MACROD2: variants seen among roughly 807,000 people sequenced by gnomAD.
The protein encoded by MACROD2 is ADP-ribose glycohydrolase MACROD2.
In MACROD2, 36 loss-of-function variants were observed where a neutral mutation model predicts 70.4. The observed-to-expected ratio is 0.51, with a 90% confidence interval of 0.39 to 0.68. The LOEUF is 0.68. MACROD2 is among the 30% of genes least tolerant of loss of function. MACROD2 has a pLI of 0.00. For synonymous variants in MACROD2, 172 were observed against 178.8 expected (o/e 0.96, Z 0.30); for missense variants, 496 against 538.4 (o/e 0.92, Z 0.78).
At chr20:15,798,993 T>A (rs1297249765) in intron 8 of MACROD2, among the ~76,000 whole-genome samples, 1 of 152,070 alleles carries the variant, frequency 6.6e-6, no homozygotes, top group Non-Finnish European at 1.5e-5. Context: ...GTATCATCCA[T>A]CATCCAACAT....
At chr20:15,777,507 TTCTTTCCTTCCTTCCTTCC>T (rs2051744412) in intron 8 of MACROD2, among the ~76,000 whole-genome samples, 6 of 71,588 alleles carry the variant, frequency 8.4e-5, no homozygotes, top group Admixed American at 1.5e-4. Flanking sequence ...CCTTCCTTCC[TTCTTTCCTTCCTTCCTTCC>T]TTCCTTCCTT....
At chr20:15,011,203 C>G (rs774964613) in intron 5 of MACROD2, among the ~76,000 whole-genome samples, 3 of 152,142 alleles carry the variant, frequency 2.0e-5, no homozygotes, top group Non-Finnish European at 4.4e-5. Context: ...ACTTTCTGAT[C>G]TGAGACAGTT....
chr20:15,674,682 G>A (rs1416901126), intron 8 of MACROD2, among the ~76,000 whole-genome samples: 2 of 151,872 alleles, frequency 1.3e-5, no homozygotes, highest in African/African-American at 4.8e-5. Flanking sequence ...TCGCATGGTA[G>A]GCATTTTACA....
intron 5 of MACROD2, among the ~76,000 whole-genome samples, chr20:15,167,141 C>T (rs1220640514): frequency 2.0e-5 from 3 of 151,718 alleles, no homozygotes; most frequent in Non-Finnish European, 2.9e-5. Flanking sequence ...GGTTAAAACA[C>T]AAAAAATACA....
chr20:15,960,811 G>T lies in MACROD2; in HGVS notation c.908-6742G>T, dbSNP rs148906041. On this transcript the variant is annotated intron_variant, in intron 12 of 17. Transcript: ENST00000684519. Reference sequence around the variant, plus strand: ...AGTGCCCTCTGTACTGGCACCATCGGCTCCAACCTCAGGGATAGTCCACAG... The same window carrying T: ...AGTGCCCTCTGTACTGGCACCATCGTCTCCAACCTCAGGGATAGTCCACAG... 2.3e-3 allele frequency among the ~76,000 whole-genome samples: 345 copies of T among 152,208 alleles called. 1 individual carries two copies. Among genetic ancestry groups the T allele is most frequent in the African/African-American group, 7.9e-3 (330 of 41,548 alleles).
chr20:15,227,085 A>T (rs2076913245), intron 5 of MACROD2, among the ~76,000 whole-genome samples: 1 of 152,218 alleles, frequency 6.6e-6, no homozygotes, highest in South Asian at 2.1e-4. Flanking sequence ...CGATAATAAC[A>T]TTCGATCTTG....
intron 3 of MACROD2, among the ~76,000 whole-genome samples, chr20:14,411,668 C>G (rs1485829972): frequency 6.6e-6 from 1 of 152,108 alleles, no homozygotes; most frequent in Admixed American, 6.6e-5. Flanking sequence ...ATACTGGTGG[C>G]TGCTGCTCAT....
At chr20:14,187,778 G>C (rs2081356826) in intron 3 of MACROD2, among the ~76,000 whole-genome samples, 1 of 152,134 alleles carries the variant, frequency 6.6e-6, no homozygotes, top group African/African-American at 2.4e-5. Flanking sequence ...TTATTTGCCT[G>C]TGCTCAGCCT....
At chr20:14,658,758 C>A (rs1305751198) in intron 4 of MACROD2, among the ~76,000 whole-genome samples, 3 of 152,096 alleles carry the variant, frequency 2.0e-5, no homozygotes, top group African/African-American at 7.2e-5. Flanking sequence ...GGAATACAGG[C>A]ACATGCTGCC....
At chr20:14,175,786 G>A (rs1601314046) in intron 3 of MACROD2, among the ~76,000 whole-genome samples, 1 of 152,166 alleles carries the variant, frequency 6.6e-6, no homozygotes, top group East Asian at 1.9e-4. Flanking sequence ...ATCAGAGCAA[G>A]CAGATATTGG....
At chr20:14,093,411 A>G (rs2054179151) in intron 3 of MACROD2, among the ~76,000 whole-genome samples, 1 of 152,140 alleles carries the variant, frequency 6.6e-6, no homozygotes, top group South Asian at 2.1e-4. Flanking sequence ...GGTTTTAAAT[A>G]AAGTACAACT....
chr20:14,230,857 G>A (rs1246042091), intron 3 of MACROD2, among the ~76,000 whole-genome samples: 1 of 151,214 alleles, frequency 6.6e-6, no homozygotes, highest in Non-Finnish European at 1.5e-5. Context: ...CTTGAAAGTT[G>A]AAATTAGTCC....
intron 5 of MACROD2, among the ~76,000 whole-genome samples, chr20:15,108,588 C>T (rs1398100097): frequency 6.6e-6 from 1 of 152,212 alleles, no homozygotes; most frequent in Admixed American, 6.5e-5. Context: ...TTTACTGCCA[C>T]TAATCTAGTT....
intron 8 of MACROD2, among the ~76,000 whole-genome samples, chr20:15,861,118 A>C (rs1488103764): frequency 6.6e-6 from 1 of 152,042 alleles, no homozygotes; most frequent in South Asian, 2.1e-4. Context: ...AAGCCACCTC[A>C]GTCTAACAGC....
At chr20:14,157,579 T>C (rs1048351548) in intron 3 of MACROD2, among the ~76,000 whole-genome samples, 5 of 152,140 alleles carry the variant, frequency 3.3e-5, no homozygotes, top group African/African-American at 1.2e-4. Context: ...CATCCTCTGG[T>C]ATCTTATCAC....
intron 5 of MACROD2, among the ~76,000 whole-genome samples, chr20:14,873,695 C>T (rs2073515398): frequency 6.6e-6 from 1 of 151,960 alleles, no homozygotes; most frequent in Non-Finnish European, 1.5e-5. Context: ...CCTGTCCCTA[C>T]TAAAAATACA....
At chr20:14,733,881 T>C (rs1195207534) in intron 5 of MACROD2, among the ~76,000 whole-genome samples, 3 of 152,200 alleles carry the variant, frequency 2.0e-5, no homozygotes, top group East Asian at 1.9e-4. Context: ...CTAGTACTTA[T>C]TTGCTGTGCA....
At chr20:14,289,481 T>C (rs1055012159) in intron 3 of MACROD2, among the ~76,000 whole-genome samples, 1 of 152,228 alleles carries the variant, frequency 6.6e-6, no homozygotes, top group Non-Finnish European at 1.5e-5. Context: ...TAGCCTTACA[T>C]TGATAAAATG....
At chr20:14,964,613 C>T (rs1276162480) in intron 5 of MACROD2, among the ~76,000 whole-genome samples, 3 of 151,924 alleles carry the variant, frequency 2.0e-5, no homozygotes, top group African/African-American at 7.2e-5. Context: ...AGAGAGACTG[C>T]ACGCACACTA....
Sources: allele counts gnomAD v4.1 joint callset (sites outside exome capture counted in the v4.1 genomes callset), GRCh38; gene constraint gnomAD v4.1.1; transcripts MANE v1.5; gene names NCBI Gene and HGNC (gene_info 2026-07-23, HGNC 2026-07-21).